The following C16orf78 variants were observed in gnomAD, a reference collection of about 807,000 sequenced individuals.
The protein encoded by C16orf78 is uncharacterized protein C16orf78.
A neutral mutation model predicts 27.3 loss-of-function variants in C16orf78; 19 were observed. The ratio of observed to expected loss-of-function variants is 0.70; its 90% CI spans 0.49 to 1.02. C16orf78 has a LOEUF of 1.02. C16orf78 is among the 50% of genes least tolerant of loss of function. C16orf78 has a pLI of 0.00. For synonymous variants in C16orf78, 130 were observed against 116.1 expected, an observed-to-expected ratio of 1.12 and a Z score of -0.77; for missense variants, 339 against 337.0, an observed-to-expected ratio of 1.01 and a Z score of -0.05.
chr16:49,376,254 C>G (rs1332229118), intron 1 of C16orf78, among the ~76,000 whole-genome samples: 1 of 152,204 alleles, frequency 6.6e-6, no homozygotes, highest in African/African-American at 2.4e-5. Context: ...TGGTATTTCC[C>G]CCTTGTGATC....
At chr16:49,399,062 C>G in intron 4 of C16orf78, 69 bp from the exon 5 acceptor site, 1 of 1,538,346 alleles carries the variant, frequency 6.5e-7, no homozygotes, top group Admixed American at 1.7e-5. Context: ...AATCTAAGCT[C>G]TTTTCAATAA....
At chr16:49,382,769 T>A (rs553370719) in intron 3 of C16orf78, among the ~76,000 whole-genome samples, 16 of 152,286 alleles carry the variant, frequency 1.1e-4, no homozygotes, top group Non-Finnish European at 1.3e-4. Context: ...GTCCTGGTAC[T>A]GCTCAGTTCT....
chr16:49,374,973 C>T (rs1261068989), intron 1 of C16orf78, among the ~76,000 whole-genome samples: 2 of 152,184 alleles, frequency 1.3e-5, no homozygotes, highest in Admixed American at 6.5e-5. Flanking sequence ...AATAACAATG[C>T]TCAACACATC....
chr16:49,381,011 T>C (rs1284761467), intron 3 of C16orf78, among the ~76,000 whole-genome samples: 1 of 150,404 alleles, frequency 6.6e-6, no homozygotes, highest in Non-Finnish European at 1.5e-5. Flanking sequence ...TTGGTACCAG[T>C]ACCATGCTGT....
intron 3 of C16orf78, among the ~76,000 whole-genome samples, chr16:49,386,909 G>A (rs1965358211): frequency 6.6e-6 from 1 of 152,188 alleles, no homozygotes; most frequent in South Asian, 2.1e-4. Flanking sequence ...GTGAACATAT[G>A]TGTGCATGTG....
intron 3 of C16orf78, among the ~76,000 whole-genome samples, chr16:49,390,363 C>T (rs560552411): frequency 3.9e-5 from 6 of 152,158 alleles, no homozygotes; most frequent in Non-Finnish European, 8.8e-5. Flanking sequence ...ACCCTGATTA[C>T]ACATATTTAG....
chr16:49,396,301 A>C, intron 3 of C16orf78, 122 bp from the exon 4 acceptor site: 1 of 1,155,998 alleles, frequency 8.7e-7, no homozygotes. Context: ...AAAAGACCTC[A>C]TATCTCAGAA....
intron 3 of C16orf78, among the ~76,000 whole-genome samples, chr16:49,388,790 A>G (rs922551203): frequency 2.6e-5 from 4 of 152,220 alleles, no homozygotes; most frequent in African/African-American, 4.8e-5. Flanking sequence ...CTGGAATTAT[A>G]GGCACCCCTT....
chr16:49,383,736 T>C (rs1965313940), intron 3 of C16orf78, among the ~76,000 whole-genome samples: 1 of 152,218 alleles, frequency 6.6e-6, no homozygotes, highest in African/African-American at 2.4e-5. Context: ...CTCATGCTTG[T>C]AATCTCAGAA....
chr16:49,399,097 C>T, intron 4 of C16orf78, 34 bp from the exon 5 acceptor site: 1 of 1,608,974 alleles, frequency 6.2e-7, no homozygotes. Context: ...GTGACTCCAC[C>T]TTCAACTGAC....
At chr16:49,395,449 AT>A (rs939445636) in intron 3 of C16orf78, among the ~76,000 whole-genome samples, 2 of 136,990 alleles carry the variant, frequency 1.5e-5, no homozygotes, top group East Asian at 4.3e-4. Flanking sequence ...ACATCATGAG[AT>A]TTTTTTTTGC....
chr16:49,378,665 G>T (rs1415383921), intron 3 of C16orf78, 72 bp downstream of exon 3: 2 of 1,593,476 alleles, frequency 1.3e-6, no homozygotes, highest in African/African-American at 1.4e-5. Context: ...GAAACCGAAA[G>T]CTCACGCCAT....
At chr16:49,387,666 G>A (rs148209035) in intron 3 of C16orf78, among the ~76,000 whole-genome samples, 2 of 152,096 alleles carry the variant, frequency 1.3e-5, no homozygotes, top group African/African-American at 2.4e-5. Context: ...CTGTGAATCT[G>A]TCTGGTCCTG....
intron 3 of C16orf78, among the ~76,000 whole-genome samples, chr16:49,379,448 A>G (rs1965261901): frequency 6.6e-6 from 1 of 151,774 alleles, no homozygotes; most frequent in Non-Finnish European, 1.5e-5. Flanking sequence ...GAGGCGGTCA[A>G]TTCTCATATA....
intron 1 of C16orf78, among the ~76,000 whole-genome samples, chr16:49,375,766 T>C (rs1201837706): frequency 6.6e-6 from 1 of 152,158 alleles, no homozygotes; most frequent in Admixed American, 6.5e-5. Flanking sequence ...GTGCTAATGA[T>C]TTACAGATAG....
rs765504260 is a variant in C16orf78, at chr16:49,377,824, C to T, written c.244C>T (p.Arg82Cys). The stretch of plus-strand genomic sequence containing the variant: ...CCTCATGACAGCACGGGGAGGGAAC[C>T]GCAGGGACACGGAGACTTCCCAGCA... ...KGLMTARGGNRRDTETSQQAL... is the reference protein window; with the variant it reads ...KGLMTARGGNCRDTETSQQAL... Residue 82 changes from arginine to cysteine, a missense_variant, in exon 2 of 5, where the codon CGC (arginine) becomes TGC (cysteine). By Grantham distance (180) the Arg-to-Cys change is radical (BLOSUM62 -3). Transcript: ENST00000299191. 6 of 1,581,866 alleles carry T rather than the reference C, an allele frequency of 3.8e-6. No individual in the cohort carries two copies. The highest frequency in any genetic ancestry group is 2.3e-5 in the East Asian group (1 of 43,952).
intron 4 of C16orf78, among the ~76,000 whole-genome samples, chr16:49,397,994 A>G (rs966610844): frequency 2.6e-5 from 4 of 152,166 alleles, no homozygotes; most frequent in Non-Finnish European, 4.4e-5. Context: ...TTGAACTCCT[A>G]TTCTCAGGTG....
In C16orf78 at chr16:49,373,922, C is replaced by CACTT. The variant is rs748689181; in HGVS notation, c.-15_-14insTACT. Reference sequence around the variant, plus strand: ...AGTGCCAGCCACCTCCCACCCAAGCCACTAGCAAGACTCCACAATGTCAGA... The same window carrying CACTT: ...AGTGCCAGCCACCTCCCACCCAAGCCACTTACTAGCAAGACTCCACAATGTCAGA... On this transcript the variant is annotated 5_prime_UTR_variant, in exon 1 of 5. Transcript: ENST00000299191. 1 of 1,613,808 alleles carries CACTT rather than the reference C, an allele frequency of 6.2e-7. No individual in the cohort carries two copies. The highest frequency in any genetic ancestry group is 1.3e-5 in the African/African-American group (1 of 75,046).
chr16:49,393,176 A>G (rs1567394434), intron 3 of C16orf78, among the ~76,000 whole-genome samples: 1 of 152,168 alleles, frequency 6.6e-6, no homozygotes, highest in Non-Finnish European at 1.5e-5. Context: ...GTAACCCGAT[A>G]CATAGCCTTC....
Sources: gnomAD v4.1 joint callset for allele counts (sites outside exome capture counted in the v4.1 genomes callset) on GRCh38, gnomAD v4.1.1 for gene constraint, MANE v1.5 for transcripts, NCBI Gene and HGNC (gene_info 2026-07-23, HGNC 2026-07-21) for gene names.